Variants in CCDC148 observed in about 807,000 individuals in gnomAD.
The protein encoded by CCDC148 is coiled-coil domain containing 148.
CCDC148 carries 89 observed loss-of-function variants against 85.7 expected under a neutral mutation model. The observed-to-expected ratio is 1.04, with a 90% CI of 0.87 to 1.24. The LOEUF is 1.24. Ranked by LOEUF, CCDC148 falls within the 50% of genes most tolerant of loss-of-function variation. The pLI is 0.00. For synonymous variants in CCDC148, 230 were observed against 213.9 expected (o/e 1.08, Z -0.66); for missense variants, 692 against 671.7 (o/e 1.03, Z -0.33).
intron 3 of CCDC148, among the ~76,000 whole-genome samples, chr2:158,343,615 T>C (rs756925263): frequency 2.0e-5 from 3 of 152,192 alleles, no homozygotes; most frequent in Non-Finnish European, 4.4e-5. Context: ...ATGTTGTCTT[T>C]TATGGTAAGG....
intron 9 of CCDC148, among the ~76,000 whole-genome samples, chr2:158,275,894 T>C (rs932579158): frequency 2.6e-5 from 4 of 152,074 alleles, no homozygotes; most frequent in South Asian, 2.1e-4. Flanking sequence ...TCTGTACCCA[T>C]AGAAATTTAT....
chr2:158,415,679 C>T (rs926595583), intron 1 of CCDC148, among the ~76,000 whole-genome samples: 3 of 152,178 alleles, frequency 2.0e-5, no homozygotes, highest in East Asian at 1.9e-4. Flanking sequence ...ATAGGAATTA[C>T]TCCCTTTCCA....
chr2:158,387,939 T>C (rs1685158190), intron 1 of CCDC148, among the ~76,000 whole-genome samples: 1 of 152,106 alleles, frequency 6.6e-6, no homozygotes, highest in South Asian at 2.1e-4. Flanking sequence ...TCCAACACCA[T>C]AGTTTGGGCC....
intron 1 of CCDC148, among the ~76,000 whole-genome samples, chr2:158,453,294 G>A (rs887589134): frequency 1.3e-5 from 2 of 152,200 alleles, no homozygotes; most frequent in African/African-American, 4.8e-5. Context: ...CAAGAAGGGG[G>A]AAGGCCAGGA....
intron 1 of CCDC148, chr2:158,420,203 A>G (rs1001765440): frequency 5.9e-5 from 9 of 152,228 alleles, no homozygotes; most frequent in African/African-American, 2.2e-4. Flanking sequence ...AACCTCCCCA[A>G]CCTAGCAAGG....
At chr2:158,206,890 T>A (rs929192823) in intron 11 of CCDC148, among the ~76,000 whole-genome samples, 3 of 152,210 alleles carry the variant, frequency 2.0e-5, no homozygotes, top group Non-Finnish European at 4.4e-5. Flanking sequence ...GGGCTTATGA[T>A]AAAATGCTCC....
chr2:158,414,212 A>T (rs959664243), intron 1 of CCDC148, among the ~76,000 whole-genome samples: 6 of 152,234 alleles, frequency 3.9e-5, no homozygotes, highest in African/African-American at 1.4e-4. Context: ...TTAATTATAC[A>T]AATAATGCAT....
intron 9 of CCDC148, among the ~76,000 whole-genome samples, chr2:158,272,527 C>T (rs1689742805): frequency 6.6e-6 from 1 of 152,158 alleles, no homozygotes; most frequent in Non-Finnish European, 1.5e-5. Context: ...AATGCCTTAA[C>T]TATAGGTTAA....
At chr2:158,450,054 T>G (rs1384486809) in intron 1 of CCDC148, among the ~76,000 whole-genome samples, 1 of 151,742 alleles carries the variant, frequency 6.6e-6, no homozygotes, top group African/African-American at 2.4e-5. Context: ...GACAAGATGA[T>G]GTATTAGTAG....
At chr2:158,204,654 C>A (rs34986840) in intron 11 of CCDC148, among the ~76,000 whole-genome samples, 24,070 of 152,114 alleles carry the variant, frequency 0.16, 2,415 homozygotes, top group Middle Eastern at 0.24. Context: ...CATTCAAGTC[C>A]TCCAAGCTCA....
intron 1 of CCDC148, among the ~76,000 whole-genome samples, chr2:158,444,785 G>GAAAA (rs11433320): frequency 2.5e-4 from 17 of 66,672 alleles, no homozygotes; most frequent in South Asian, 8.4e-4. Context: ...ACCCTGTCTT[G>GAAAA]AAAAAAAAAA....
At chr2:158,182,095 A>C (rs1427815871) in intron 11 of CCDC148, among the ~76,000 whole-genome samples, 2 of 152,130 alleles carry the variant, frequency 1.3e-5, no homozygotes, top group Admixed American at 6.5e-5. Flanking sequence ...TTCCTCCCTA[A>C]GACTGGGAAC....
intron 10 of CCDC148, among the ~76,000 whole-genome samples, chr2:158,229,111 C>T (rs946827194): frequency 2.6e-5 from 4 of 152,138 alleles, no homozygotes; most frequent in Admixed American, 6.6e-5. Context: ...CCCTTCCAAC[C>T]TGTAATTCTC....
At chr2:158,228,967 C>CA (rs1234928451) in intron 10 of CCDC148, among the ~76,000 whole-genome samples, 2,639 of 94,278 alleles carry the variant, frequency 0.028, 77 homozygotes, top group African/African-American at 0.094. Flanking sequence ...AATAACAAAA[C>CA]AAAAAAAAAA....
intron 7 of CCDC148, among the ~76,000 whole-genome samples, chr2:158,320,418 G>A (rs13411714): frequency 0.027 from 4,171 of 152,140 alleles, 84 homozygotes; most frequent in East Asian, 0.067. Flanking sequence ...CATAGTGTTC[G>A]TTCTTATGGT....
At chr2:158,373,065 C>T (rs1402470958) in intron 1 of CCDC148, among the ~76,000 whole-genome samples, 1 of 151,990 alleles carries the variant, frequency 6.6e-6, no homozygotes, top group Non-Finnish European at 1.5e-5. Flanking sequence ...AGTAGCCTGG[C>T]TTATCCAGGT....
intron 9 of CCDC148, among the ~76,000 whole-genome samples, chr2:158,285,195 G>A (rs1009162196): frequency 6.6e-6 from 1 of 151,650 alleles, no homozygotes; most frequent in South Asian, 2.1e-4. Flanking sequence ...GACTGAGGCA[G>A]GAGAATCGCT....
At chr2:158,179,569 C>A (rs1374431967) in intron 11 of CCDC148, among the ~76,000 whole-genome samples, 1 of 152,032 alleles carries the variant, frequency 6.6e-6, no homozygotes, top group African/African-American at 2.4e-5. Flanking sequence ...CTCTGGCTAA[C>A]CTGCCCTGAG....
intron 2 of CCDC148, among the ~76,000 whole-genome samples, chr2:158,357,697 C>T (rs1683733264): frequency 6.6e-6 from 1 of 151,856 alleles, no homozygotes; most frequent in Admixed American, 6.6e-5. Flanking sequence ...GGTAATCTCT[C>T]CAGAATAGAG....
Sources: gnomAD v4.1 joint callset for allele counts (sites outside exome capture counted in the v4.1 genomes callset) on GRCh38, gnomAD v4.1.1 for gene constraint, MANE v1.5 for transcripts, NCBI Gene and HGNC (gene_info 2026-07-23, HGNC 2026-07-21) for gene names.